The following NTN1 variants were observed in gnomAD, a reference collection of about 807,000 sequenced individuals.
NTN1 encodes netrin-1.
In NTN1, 11 loss-of-function variants were observed where a neutral mutation model predicts 54.2. That is an observed-to-expected ratio of 0.20 (90% CI 0.13 to 0.34). The LOEUF (loss-of-function observed/expected upper bound fraction) is 0.34. NTN1 is among the 10% of genes least tolerant of loss of function. NTN1 has a pLI of 1.00. For missense variants in NTN1, 740 were observed against 893.1 expected, an observed-to-expected ratio of 0.83 and a Z score of 2.18; for synonymous variants, 371 against 382.0, an observed-to-expected ratio of 0.97 and a Z score of 0.33.
intron 2 of NTN1, among the ~76,000 whole-genome samples, chr17:9,064,880 G>C (rs888001042): frequency 5.3e-5 from 8 of 151,990 alleles, no homozygotes; most frequent in Non-Finnish European, 8.8e-5. Context: ...CACCTCAGCT[G>C]CCCAAGTAGC....
At chr17:9,133,899 CTTTTTTTTTTTTT>C (rs71361867) in intron 2 of NTN1, among the ~76,000 whole-genome samples, 1 of 85,444 alleles carries the variant, frequency 1.2e-5, no homozygotes, top group African/African-American at 4.9e-5. Context: ...TGGGCCTAGC[CTTTTTTTTTTTTT>C]TTTTTTTTTT....
At chr17:9,127,504 G>A (rs889669221) in intron 2 of NTN1, among the ~76,000 whole-genome samples, 1 of 152,136 alleles carries the variant, frequency 6.6e-6, no homozygotes, top group Non-Finnish European at 1.5e-5. Context: ...GCACTGGGGA[G>A]CGTGGTGCAG....
intron 6 of NTN1, among the ~76,000 whole-genome samples, chr17:9,231,633 A>C (rs1207305201): frequency 6.6e-6 from 1 of 152,196 alleles, no homozygotes; most frequent in African/African-American, 2.4e-5. Context: ...GCTGTCAGGC[A>C]AAGGGGCTCG....
At chr17:9,185,796 T>C (rs1231562717) in intron 5 of NTN1, among the ~76,000 whole-genome samples, 1 of 152,142 alleles carries the variant, frequency 6.6e-6, no homozygotes, top group Non-Finnish European at 1.5e-5. Flanking sequence ...GAGTTCTTGA[T>C]TTGCAAATTG....
At position 9,212,846 on chromosome 17, in the gene NTN1, C is replaced by T. The variant is rs889670927; in HGVS notation, c.1412-8322C>T. Among the ~76,000 whole-genome samples the T allele has an allele frequency of 3.9e-5, 6 of 152,320 alleles. No homozygotes were observed. The highest frequency in any genetic ancestry group is 5.9e-5 in the Non-Finnish European group (4 of 68,020). ...GAGAGCGAGACCTTTGCCAGCTCCC[C>T]GCCCTGCTCCAAGGGGAGGTGCCAG... On this transcript the variant is annotated intron_variant, in intron 5 of 6. Transcript: ENST00000173229. This position sits in a 1 kb window ranked among gnomAD's most constrained non-coding sequence, Gnocchi z 5.5.
chr17:9,115,122 A>G (rs529091526), intron 2 of NTN1, among the ~76,000 whole-genome samples: 46 of 152,334 alleles, frequency 3.0e-4, no homozygotes, highest in African/African-American at 9.9e-4. Context: ...GTTCTGTGAC[A>G]GCTCCCCTCT....
intron 6 of NTN1, among the ~76,000 whole-genome samples, chr17:9,238,511 A>G (rs924869368): frequency 2.6e-5 from 4 of 152,082 alleles, no homozygotes; most frequent in African/African-American, 4.8e-5. Context: ...TCTGGGGGCA[A>G]TGATCATGTG....
chr17:9,213,733 G>A (rs1186320194), intron 5 of NTN1, among the ~76,000 whole-genome samples: 2 of 152,124 alleles, frequency 1.3e-5, no homozygotes, highest in Middle Eastern at 3.2e-3. Flanking sequence ...ATCAAATAGC[G>A]TGAAATCGAT....
chr17:9,038,699 G>C (rs977440717), intron 2 of NTN1, among the ~76,000 whole-genome samples: 2 of 151,910 alleles, frequency 1.3e-5, no homozygotes, highest in Non-Finnish European at 2.9e-5. Context: ...TGATCACTGG[G>C]GTCTCAGGGT....
At chr17:9,166,261 T>A (rs1239878364) in intron 3 of NTN1, among the ~76,000 whole-genome samples, 1 of 149,720 alleles carries the variant, frequency 6.7e-6, no homozygotes, top group Non-Finnish European at 1.5e-5. Context: ...AAATGGTTCC[T>A]TGCGAGGTTT....
rs1905099007 is a variant in NTN1, at chr17:9,211,137, G to A, written c.1412-10031G>A. ...CCCTGCCATTGTTGAAAAGGCCCTAGGGACTCCCTGCAAACTGTAAGCCTC... is the reference window on the plus strand; with the variant it reads ...CCCTGCCATTGTTGAAAAGGCCCTAAGGACTCCCTGCAAACTGTAAGCCTC... On this transcript the variant is annotated intron_variant, in intron 5 of 6. Coordinates refer to ENST00000173229, the MANE Select transcript of NTN1 (RefSeq NM_004822.3). The surrounding 1 kb of genome is among the most constrained non-coding windows in gnomAD (Gnocchi z 4.4). Among the ~76,000 whole-genome samples, 1 of 152,124 alleles carries A rather than the reference G, an allele frequency of 6.6e-6. No homozygotes were observed. The highest frequency in any genetic ancestry group is 1.5e-5 in the Non-Finnish European group (1 of 68,022).
intron 2 of NTN1, among the ~76,000 whole-genome samples, chr17:9,151,373 G>C (rs141706912): frequency 6.6e-6 from 1 of 152,090 alleles, no homozygotes; most frequent in African/African-American, 2.4e-5. Flanking sequence ...ACTTATCTCC[G>C]GGGACTTTAT....
intron 2 of NTN1, among the ~76,000 whole-genome samples, chr17:9,056,671 G>C (rs7214529): frequency 0.68 from 102,910 of 151,972 alleles, 35,917 homozygotes; most frequent in East Asian, 1. Context: ...GGCCGAGGAA[G>C]GGCACTCGTG....
At chr17:9,042,419 G>T (rs1597467158) in intron 2 of NTN1, among the ~76,000 whole-genome samples, 1 of 151,834 alleles carries the variant, frequency 6.6e-6, no homozygotes, top group Non-Finnish European at 1.5e-5. Flanking sequence ...GGGGTTTGAG[G>T]CTATAATGCG....
chr17:9,033,466 G>T (rs2091893743), intron 2 of NTN1, among the ~76,000 whole-genome samples: 1 of 152,186 alleles, frequency 6.6e-6, no homozygotes, highest in Non-Finnish European at 1.5e-5. Context: ...CGATTTTCCT[G>T]ATCTGTAGAA....
intron 2 of NTN1, among the ~76,000 whole-genome samples, chr17:9,064,821 T>C (rs1389484865): frequency 6.6e-6 from 1 of 152,190 alleles, no homozygotes; most frequent in Non-Finnish European, 1.5e-5. Context: ...GCAGGAGTGC[T>C]GATCACAGCT....
At chr17:9,063,550 A>G (rs1368908230) in intron 2 of NTN1, among the ~76,000 whole-genome samples, 1 of 150,662 alleles carries the variant, frequency 6.6e-6, no homozygotes, top group African/African-American at 2.5e-5. Context: ...TTAGCAGAGC[A>G]AAGTTTTTTT....
chr17:9,229,903 T>C (rs1382786528), intron 6 of NTN1, among the ~76,000 whole-genome samples: 2 of 151,898 alleles, frequency 1.3e-5, no homozygotes, highest in Non-Finnish European at 2.9e-5. Context: ...TGTGGGTCAG[T>C]GTGTGGTGGG....
chr17:9,079,715 G>A (rs111444284), intron 2 of NTN1, among the ~76,000 whole-genome samples: 32 of 147,922 alleles, frequency 2.2e-4, no homozygotes, highest in African/African-American at 7.1e-4. Context: ...GTTCCTCAGC[G>A]GGCCTGTTTC....
Sources: gnomAD v4.1 joint callset for allele counts (sites outside exome capture counted in the v4.1 genomes callset) on GRCh38, gnomAD v4.1.1 for gene constraint, Gnocchi (gnomAD v3.1) non-coding constraint, MANE v1.5 for transcripts, NCBI Gene and HGNC (gene_info 2026-07-23, HGNC 2026-07-21) for gene names.